The following LTBP1 variants were observed in gnomAD, a reference collection of about 807,000 sequenced individuals.
The protein encoded by LTBP1 is latent transforming growth factor beta binding protein 1, also known as latent-transforming growth factor beta-binding protein 1.
Under a neutral mutation model 207.6 loss-of-function variants are expected in LTBP1, and 129 were observed. That is an observed-to-expected ratio of 0.62 (90% CI 0.54 to 0.72). The LOEUF (loss-of-function observed/expected upper bound fraction) is 0.72. Ranked by LOEUF, LTBP1 falls within the 30% of genes least tolerant of loss-of-function variation. LTBP1 has a pLI of 0.00. For missense variants in LTBP1, 2,281 were observed against 2,217.2 expected (o/e 1.03, Z -0.58); for synonymous variants, 963 against 833.7 (o/e 1.16, Z -2.67).
intron 5 of LTBP1, among the ~76,000 whole-genome samples, chr2:33,169,297 A>G (rs2148370244): frequency 6.6e-6 from 1 of 152,220 alleles, no homozygotes; most frequent in East Asian, 1.9e-4. Context: ...TCCACCCGAA[A>G]CTGCCACATT....
At chr2:33,301,703 C>G in intron 22 of LTBP1, 59 bp downstream of exon 22, 1 of 1,446,124 alleles carries the variant, frequency 6.9e-7, no homozygotes, top group East Asian at 2.4e-5. Flanking sequence ...GAAATCTGGG[C>G]ATCATCTCAG....
intron 3 of LTBP1, among the ~76,000 whole-genome samples, chr2:33,104,119 A>G (rs1250937353): frequency 1.3e-5 from 2 of 152,148 alleles, no homozygotes; most frequent in African/African-American, 4.8e-5. Context: ...CTGCAGGTCA[A>G]ATAATGGATT....
chr2:33,015,751 T>C (rs930913907), intron 2 of LTBP1, among the ~76,000 whole-genome samples: 1 of 152,166 alleles, frequency 6.6e-6, no homozygotes, highest in Non-Finnish European at 1.5e-5. Flanking sequence ...ACAGGAAGCA[T>C]AGCAGCTTGT....
intron 4 of LTBP1, among the ~76,000 whole-genome samples, chr2:33,133,474 C>G (rs905276067): frequency 2.0e-5 from 3 of 152,148 alleles, no homozygotes; most frequent in Admixed American, 6.5e-5. Flanking sequence ...TGCTTTCTGC[C>G]TAGTCTCCTG....
chr2:32,977,164 C>T (rs1681928282), intron 2 of LTBP1, among the ~76,000 whole-genome samples: 1 of 152,200 alleles, frequency 6.6e-6, no homozygotes, highest in Admixed American at 6.5e-5. Context: ...TGGCTACCGG[C>T]TTTGGGGGTG....
chr2:33,269,833 G>A (rs941444528), intron 15 of LTBP1, among the ~76,000 whole-genome samples: 17 of 152,050 alleles, frequency 1.1e-4, no homozygotes, highest in Admixed American at 4.6e-4. Context: ...CAGGACTTGT[G>A]TACTGTCTAT....
intron 12 of LTBP1, 127 bp downstream of exon 12, chr2:33,257,638 A>G (rs2092901089): frequency 1.4e-6 from 1 of 729,964 alleles, no homozygotes; most frequent in Non-Finnish European, 2.3e-6. Context: ...AGAGTGGAGA[A>G]TTATTTGATT....
intron 24 of LTBP1, among the ~76,000 whole-genome samples, chr2:33,330,902 C>T (rs1478106528): frequency 1.3e-5 from 2 of 149,626 alleles, no homozygotes; most frequent in African/African-American, 4.9e-5. Context: ...TGTTTTTGTG[C>T]CTATGCATTA....
intron 3 of LTBP1, among the ~76,000 whole-genome samples, chr2:33,108,722 T>C (rs1430139971): frequency 2.0e-5 from 3 of 152,088 alleles, no homozygotes; most frequent in Admixed American, 6.6e-5. Flanking sequence ...CAGAGTAGCA[T>C]GGTGACAGGG....
Position 33,273,662 on chromosome 2 carries a change from A to T in LTBP1, c.2624A>T (p.Asn875Ile). Reference protein sequence around the residue: ...VIAPTQVTEINECTVNPDICG... With the variant: ...VIAPTQVTEIIECTVNPDICG... Reference sequence around the variant, plus strand: ...ATTTTATTTACTTTTAAAGAAATCAATGAATGTACTGTGAACCCTGATATC... The same window carrying T: ...ATTTTATTTACTTTTAAAGAAATCATTGAATGTACTGTGAACCCTGATATC... The change falls in exon 16 of 34, where the codon AAT becomes ATT. Residue 875 changes from asparagine (N) to isoleucine (I), a missense_variant. By Grantham distance (149) the Asn-to-Ile change is moderately radical (BLOSUM62 -3). This residue lies in a region of LTBP1 where 1,671 missense variants were observed against 1,634.8 expected (regional missense o/e 1.02). Transcript: ENST00000404816. 6.2e-7 allele frequency: 1 copy of T among 1,602,076 alleles called. No homozygotes were observed. The highest frequency in any genetic ancestry group is 1.1e-5 in the South Asian group (1 of 88,268).
intron 3 of LTBP1, among the ~76,000 whole-genome samples, chr2:33,091,321 A>G (rs536758168): frequency 6.6e-6 from 1 of 152,198 alleles, no homozygotes; most frequent in East Asian, 1.9e-4. Flanking sequence ...CTGGTCTATG[A>G]GCAGCTTAAG....
intron 3 of LTBP1, among the ~76,000 whole-genome samples, chr2:33,069,888 A>G (rs1194847211): frequency 6.6e-6 from 1 of 152,226 alleles, no homozygotes. Context: ...AACAGCTCAC[A>G]GTCTGAGGGA....
intron 31 of LTBP1, among the ~76,000 whole-genome samples, chr2:33,381,734 T>A (rs1277661885): frequency 6.6e-6 from 1 of 152,220 alleles, no homozygotes; most frequent in East Asian, 1.9e-4. Flanking sequence ...GCTTACCTGA[T>A]GCTTAAGGTC....
At chr2:33,208,471 G>C (rs1171983808) in intron 7 of LTBP1, among the ~76,000 whole-genome samples, 1 of 152,192 alleles carries the variant, frequency 6.6e-6, no homozygotes, top group Non-Finnish European at 1.5e-5. Flanking sequence ...GCAGGAAAGG[G>C]CTGGCATGAC....
At chr2:33,017,160 G>A (rs1688499745) in intron 2 of LTBP1, among the ~76,000 whole-genome samples, 1 of 152,228 alleles carries the variant, frequency 6.6e-6, no homozygotes, top group Non-Finnish European at 1.5e-5. Flanking sequence ...GGACAAATGT[G>A]TAGACTTTTG....
At chr2:33,200,156 C>A (rs1024249317) in intron 7 of LTBP1, among the ~76,000 whole-genome samples, 8 of 152,142 alleles carry the variant, frequency 5.3e-5, no homozygotes, top group Admixed American at 5.2e-4. Flanking sequence ...AAAAAAGAGC[C>A]CACATTGCCA....
intron 9 of LTBP1, among the ~76,000 whole-genome samples, chr2:33,239,148 C>T (rs1558867153): frequency 6.6e-6 from 1 of 152,200 alleles, no homozygotes; most frequent in South Asian, 2.1e-4. Context: ...GTAGGCTATA[C>T]AGGCAGAGAT....
intron 24 of LTBP1, among the ~76,000 whole-genome samples, chr2:33,323,470 C>T (rs375917455): frequency 1.3e-5 from 2 of 152,218 alleles, no homozygotes; most frequent in East Asian, 3.9e-4. Flanking sequence ...AACCCCATCT[C>T]TACTAAAAAT....
At chr2:33,274,870 G>A in intron 16 of LTBP1, 95 bp from the exon 17 acceptor site, 1 of 1,215,858 alleles carries the variant, frequency 8.2e-7, no homozygotes, top group Non-Finnish European at 1.2e-6. Flanking sequence ...AGGTTGGGTG[G>A]TACCCAGGGA....
Sources: allele counts gnomAD v4.1 joint callset (sites outside exome capture counted in the v4.1 genomes callset), GRCh38; gene constraint gnomAD v4.1.1; regional missense constraint gnomAD v4.1.1; transcripts MANE v1.5; gene names NCBI Gene and HGNC (gene_info 2026-07-23, HGNC 2026-07-21).